The following NLGN1 variants were observed in gnomAD, a reference collection of about 807,000 sequenced individuals.
NLGN1 encodes neuroligin 1.
In NLGN1, 12 loss-of-function variants were observed where a neutral mutation model predicts 65.5. The observed-to-expected ratio is 0.18, with a 90% CI of 0.12 to 0.30. NLGN1 has a LOEUF of 0.30. Ranked by LOEUF, NLGN1 falls within the 10% of genes least tolerant of loss-of-function variation. The probability of loss-of-function intolerance (pLI) is 1.00; values close to 1 mark genes in which losing one functional copy is unlikely to be tolerated. For missense variants in NLGN1, 750 were observed against 1,007.1 expected (o/e 0.74, Z 3.46); for synonymous variants, 350 against 359.5 (o/e 0.97, Z 0.30).
intron 4 of NLGN1, among the ~76,000 whole-genome samples, chr3:174,068,542 C>T (rs149080780): frequency 1.2e-3 from 182 of 152,160 alleles, no homozygotes; most frequent in Non-Finnish European, 2.1e-3. Context: ...CTTTCTAAAC[C>T]GCGCATGTAC....
At chr3:173,844,793 C>G (rs1725430175) in intron 4 of NLGN1, among the ~76,000 whole-genome samples, 1 of 152,206 alleles carries the variant, frequency 6.6e-6, no homozygotes, top group African/African-American at 2.4e-5. Flanking sequence ...ATTCATTTGA[C>G]AAATTTTATT....
intron 4 of NLGN1, among the ~76,000 whole-genome samples, chr3:173,880,968 C>T (rs1472544457): frequency 1.3e-5 from 2 of 151,954 alleles, no homozygotes; most frequent in African/African-American, 2.4e-5. Flanking sequence ...GCATCTATAC[C>T]GGGAGTGGAT....
intron 3 of NLGN1, among the ~76,000 whole-genome samples, chr3:173,607,856 A>G (rs1751629859): frequency 6.6e-6 from 1 of 151,574 alleles, no homozygotes; most frequent in East Asian, 1.9e-4. Flanking sequence ...TTTGCCTTTT[A>G]TCTAGATGCC....
chr3:173,446,463 CATT>C (rs1427604598), intron 2 of NLGN1, among the ~76,000 whole-genome samples: 1 of 152,150 alleles, frequency 6.6e-6, no homozygotes, highest in Non-Finnish European at 1.5e-5. Context: ...TCCAGTCTAT[CATT>C]GTTGGGCATT....
chr3:173,409,502 A>G (rs1290413226), intron 1 of NLGN1, among the ~76,000 whole-genome samples: 4 of 152,140 alleles, frequency 2.6e-5, no homozygotes, highest in Non-Finnish European at 5.9e-5. Flanking sequence ...GCATTCATCT[A>G]TCAGTCCATA....
chr3:173,998,959 C>T (rs932958746), intron 4 of NLGN1, among the ~76,000 whole-genome samples: 3 of 152,202 alleles, frequency 2.0e-5, no homozygotes, highest in Non-Finnish European at 4.4e-5. Context: ...TTCACCTGCT[C>T]ATCTTCAGTG....
intron 2 of NLGN1, among the ~76,000 whole-genome samples, chr3:173,493,212 A>G (rs1221193471): frequency 6.6e-6 from 1 of 151,776 alleles, no homozygotes; most frequent in Non-Finnish European, 1.5e-5. Flanking sequence ...CCCAAGTCAC[A>G]CAGCTATTGA....
chr3:173,957,367 G>A (rs1428105645), intron 4 of NLGN1, among the ~76,000 whole-genome samples: 1 of 152,134 alleles, frequency 6.6e-6, no homozygotes, highest in African/African-American at 2.4e-5. Context: ...TTATATTTTA[G>A]ATAGCTGGAG....
At chr3:173,559,967 C>T (rs777402779) in intron 2 of NLGN1, among the ~76,000 whole-genome samples, 7 of 123,532 alleles carry the variant, frequency 5.7e-5, no homozygotes, top group South Asian at 2.5e-4. Context: ...TTTTTTGAGA[C>T]GAGTCTCGCT....
chr3:173,894,127 C>G (rs1334837193), intron 4 of NLGN1, among the ~76,000 whole-genome samples: 1 of 152,132 alleles, frequency 6.6e-6, no homozygotes, highest in Non-Finnish European at 1.5e-5. Context: ...TATTGACTTC[C>G]ATTATAGCAC....
At chr3:173,971,427 A>G (rs1171169315) in intron 4 of NLGN1, among the ~76,000 whole-genome samples, 1 of 148,536 alleles carries the variant, frequency 6.7e-6, no homozygotes, top group Non-Finnish European at 1.5e-5. Context: ...AAGGAGAGAC[A>G]GAGGATGATG....
At chr3:173,727,583 G>A (rs1772012823) in intron 3 of NLGN1, among the ~76,000 whole-genome samples, 1 of 152,008 alleles carries the variant, frequency 6.6e-6, no homozygotes, top group South Asian at 2.1e-4. Flanking sequence ...CTTTTGGTTG[G>A]AATTCACTCT....
chr3:174,022,847 A>G (rs1156941047), intron 4 of NLGN1, among the ~76,000 whole-genome samples: 1 of 152,092 alleles, frequency 6.6e-6, no homozygotes, highest in Non-Finnish European at 1.5e-5. Flanking sequence ...AGGGGACACA[A>G]AGGGGTTTCT....
chr3:173,674,548 A>C (rs967102300), intron 3 of NLGN1, among the ~76,000 whole-genome samples: 3 of 152,180 alleles, frequency 2.0e-5, no homozygotes, highest in African/African-American at 7.2e-5. Flanking sequence ...AATGTTACGA[A>C]TATGTTATTT....
At chr3:174,175,138 A>G (rs1729211807) in intron 4 of NLGN1, among the ~76,000 whole-genome samples, 1 of 151,990 alleles carries the variant, frequency 6.6e-6, no homozygotes, top group East Asian at 1.9e-4. Context: ...TTGAAGGAAT[A>G]TCTATTAGGT....
chr3:173,764,361 A>G (rs1161654982), intron 3 of NLGN1, among the ~76,000 whole-genome samples: 1 of 152,164 alleles, frequency 6.6e-6, no homozygotes, highest in Non-Finnish European at 1.5e-5. Context: ...CCATGGACAG[A>G]CTAACGCTAT....
At chr3:174,160,295 A>G (rs1247408124) in intron 4 of NLGN1, among the ~76,000 whole-genome samples, 1 of 151,726 alleles carries the variant, frequency 6.6e-6, no homozygotes, top group Non-Finnish European at 1.5e-5. Context: ...CCATTTGTGA[A>G]GAAGTTGTAG....
chr3:173,490,786 G>A (rs948027040), intron 2 of NLGN1, among the ~76,000 whole-genome samples: 1 of 152,038 alleles, frequency 6.6e-6, no homozygotes, highest in African/African-American at 2.4e-5. Flanking sequence ...GTGGTTTGTA[G>A]TTCTCCTTGA....
intron 3 of NLGN1, among the ~76,000 whole-genome samples, chr3:173,608,026 CAA>C (rs1417607692): frequency 6.6e-6 from 1 of 151,844 alleles, no homozygotes; most frequent in African/African-American, 2.4e-5. Context: ...ACATACTATT[CAA>C]GTCAGTCCTC....
Sources: gnomAD v4.1 joint callset for allele counts (sites outside exome capture counted in the v4.1 genomes callset) on GRCh38, gnomAD v4.1.1 for gene constraint, MANE v1.5 for transcripts, NCBI Gene and HGNC (gene_info 2026-07-23, HGNC 2026-07-21) for gene names.